The following HROB variants were observed in gnomAD, a reference collection of about 807,000 sequenced individuals.
HROB encodes the protein homologous recombination OB-fold protein.
HROB carries 44 observed loss-of-function variants against 61.0 expected under a neutral mutation model. That is an observed-to-expected ratio of 0.72 (90% confidence interval 0.57 to 0.93). The LOEUF (loss-of-function observed/expected upper bound fraction) is 0.93. Among genes scored for constraint, HROB ranks in the 40% least tolerant of loss-of-function variants. The probability of loss-of-function intolerance (pLI) is 0.00; values close to 1 mark genes in which losing one functional copy is unlikely to be tolerated. For synonymous variants in HROB, 301 were observed against 310.4 expected (o/e 0.97, Z 0.32); for missense variants, 716 against 796.2 (o/e 0.90, Z 1.21).
intron 1 of HROB, among the ~76,000 whole-genome samples, chr17:44,142,564 A>C (rs1245871915): frequency 8.0e-6 from 1 of 124,646 alleles, no homozygotes; most frequent in Non-Finnish European, 1.6e-5. Flanking sequence ...TCTCCCGCCC[A>C]CCCCTTTCAC....
chr17:44,158,033 T>A, intron 9 of HROB, 92 bp downstream of exon 9: 1 of 892,206 alleles, frequency 1.1e-6, no homozygotes, highest in South Asian at 1.7e-5. Flanking sequence ...TTGTTCCTCT[T>A]TCCATGAATC....
chr17:44,159,812 A>G (rs1022277167), intron 9 of HROB, among the ~76,000 whole-genome samples: 31 of 152,376 alleles, frequency 2.0e-4, no homozygotes, highest in African/African-American at 6.7e-4. Context: ...CTATCTTCCA[A>G]GAACTTAAAA....
intron 2 of HROB, 179 bp from the exon 3 acceptor site, chr17:44,147,679 T>C: frequency 1.6e-6 from 1 of 611,144 alleles, no homozygotes; most frequent in South Asian, 2.1e-5. Flanking sequence ...CAAGTGATCC[T>C]CCTACCTTGG....
At chr17:44,151,487 C>T (rs1230722281) in intron 4 of HROB, among the ~76,000 whole-genome samples, 2 of 152,146 alleles carry the variant, frequency 1.3e-5, no homozygotes, top group African/African-American at 2.4e-5. Flanking sequence ...TTGACCTGCT[C>T]TGCCCTCAAA....
rs1013055978 is a variant in HROB, at chr17:44,154,345, A to G, written c.1450-211A>G. Reference sequence around the variant, plus strand: ...GCGAAACTCCCTCTCAAAAAATAAAAAAGAACGGAGGCAGGGGAGAGAAAT... The same window carrying G: ...GCGAAACTCCCTCTCAAAAAATAAAGAAGAACGGAGGCAGGGGAGAGAAAT... On this transcript the variant is annotated intron_variant, in intron 5 of 9. Transcript: ENST00000585683. 83 of 528,866 alleles carry G rather than the reference A, an allele frequency of 1.6e-4. 1 individual carries two copies. Among genetic ancestry groups the G allele is most frequent in the African/African-American group, 1.4e-3 (74 of 52,842 alleles). The allele number at this position is 528,866 out of a possible 1,614,324, so 32.8% of individuals were successfully genotyped here. A position where few individuals can be genotyped will look rare whatever the true frequency, so the allele number is the denominator to read the frequency against.
intron 5 of HROB, among the ~76,000 whole-genome samples, chr17:44,154,030 G>C (rs1296694130): frequency 2.0e-5 from 3 of 150,914 alleles, no homozygotes; most frequent in Non-Finnish European, 2.9e-5. Flanking sequence ...CTGGGCGACA[G>C]AGCGAGACTC....
At chr17:44,151,391 G>A (rs1408926265) in intron 4 of HROB, among the ~76,000 whole-genome samples, 1 of 152,186 alleles carries the variant, frequency 6.6e-6, no homozygotes, top group African/African-American at 2.4e-5. Flanking sequence ...TCTGAGAACT[G>A]AGCTGGGAAG....
chr17:44,154,985 C>G (rs1183591915), intron 7 of HROB, 47 bp downstream of exon 7: 1 of 1,581,102 alleles, frequency 6.3e-7, no homozygotes, highest in Non-Finnish European at 8.6e-7. Context: ...ATAGAGCCCT[C>G]AGTGTCTGTC....
intron 4 of HROB, among the ~76,000 whole-genome samples, chr17:44,152,226 C>T (rs1458229262): frequency 1.3e-5 from 2 of 152,038 alleles, no homozygotes; most frequent in African/African-American, 4.8e-5. Context: ...GTGATCCACC[C>T]GCCTCGGCCT....
At chr17:44,142,185 GC>G in intron 1 of HROB, 40 bp downstream of exon 1, 7 of 1,492,764 alleles carry the variant, frequency 4.7e-6, no homozygotes, top group East Asian at 5.3e-5. Context: ...GGGCCGCAGG[GC>G]CCCCTGGCCT....
At chr17:44,154,520 G>T in intron 5 of HROB, 36 bp from the exon 6 acceptor site, 2 of 1,609,308 alleles carry the variant, frequency 1.2e-6, no homozygotes, top group East Asian at 4.5e-5. Context: ...CAAGTGGGCC[G>T]TGGAAGGCTC....
rs570153260 is a variant in HROB, at chr17:44,142,176, G to A, written c.3+31G>A. 2,486 of 1,503,398 alleles carry A rather than the reference G, an allele frequency of 1.7e-3. 12 individuals carry two copies. Among genetic ancestry groups the A allele is most frequent in the Non-Finnish European group, 1.7e-3 (1,885 of 1,131,510 alleles). The allele number at this position is 1,503,398 out of a possible 1,614,324, so 93.1% of individuals were successfully genotyped here. A position where few individuals can be genotyped will look rare whatever the true frequency, so the allele number is the denominator to read the frequency against. ...GCCGCGCCCAGCTTGGGGGCTGGCG[G>A]GCCGCAGGGCCCCCTGGCCTCCGGA... On this transcript the variant is annotated intron_variant, in intron 1 of 9. Coordinates refer to ENST00000585683, the MANE Select transcript of HROB (RefSeq NM_001171251.3).
Position 44,144,793 on chromosome 17 carries a change from G to A in HROB, c.4-410G>A, listed in dbSNP as rs371270172. 1.6e-4 allele frequency among the ~76,000 whole-genome samples: 24 copies of A among 147,670 alleles called. No individual in the cohort carries two copies. In the East Asian group the frequency reaches 4.6e-3, roughly 28 times the overall value. On this transcript the variant is annotated intron_variant, in intron 1 of 9. Transcript: ENST00000585683. ...CTCACTCTGTCGCCCAGGCTGGAGT[G>A]CAACCTCTGCCTCCTGGGTTCAAGC...
At chr17:44,158,619 ACTATAGGTATGT>A (rs1405388890) in intron 9 of HROB, among the ~76,000 whole-genome samples, 8 of 151,136 alleles carry the variant, frequency 5.3e-5, no homozygotes, top group African/African-American at 1.9e-4. Flanking sequence ...AGTAGCTGGG[ACTATAGGTATGT>A]GCCACTATGC....
rs187670390 is a variant in HROB at position 44,142,386 on chromosome 17, G to A, written c.3+241G>A. ...CTCCTGTTGCCTTCCTACCCTCCTG[G>A]GAAACCCCCCTTTCCAGTGCGCTCA... is the stretch of plus-strand genomic sequence containing the variant. On this transcript the variant is annotated intron_variant, in intron 1 of 9. Transcript: ENST00000585683. 2.6e-5 allele frequency among the ~76,000 whole-genome samples: 4 copies of A among 152,016 alleles called. No individual in the cohort carries two copies. In the East Asian group the frequency reaches 7.7e-4, roughly 29 times the overall value.
intron 1 of HROB, among the ~76,000 whole-genome samples, chr17:44,144,483 T>C (rs1466541458): frequency 6.6e-6 from 1 of 152,068 alleles, no homozygotes; most frequent in African/African-American, 2.4e-5. Context: ...ACTGTGTTGG[T>C]CAGGCTGGTC....
rs372184721 is a variant in HROB at position 44,151,009 on chromosome 17, C to A, written c.1273C>A (p.Pro425Thr). The change falls in exon 4 of 10, where the codon CCA (proline) becomes ACA (threonine). Residue 425 changes from proline to threonine, a missense_variant. Coordinates refer to ENST00000585683, the MANE Select transcript of HROB (RefSeq NM_001171251.3). ...EDIMVSAPQT[P>T]THGALAKFQT... ...CATCATGGTTTCCGCGCCCCAAACTCCAACCCATGGTGCTCTGGCTAAATT... is the reference window on the plus strand; with the variant it reads ...CATCATGGTTTCCGCGCCCCAAACTACAACCCATGGTGCTCTGGCTAAATT... The A allele has an allele frequency of 1.9e-6, 3 of 1,613,406 alleles. No homozygotes were observed. The highest frequency in any genetic ancestry group is 1.7e-6 in the Non-Finnish European group (2 of 1,179,922).
intron 1 of HROB, among the ~76,000 whole-genome samples, chr17:44,142,898 C>T (rs548961726): frequency 2.6e-5 from 4 of 152,208 alleles, no homozygotes; most frequent in Non-Finnish European, 5.9e-5. Flanking sequence ...ATTGCAAAAT[C>T]CTTAGGCCCA....
intron 5 of HROB, among the ~76,000 whole-genome samples, chr17:44,153,045 C>G (rs1260275902): frequency 1.3e-5 from 2 of 152,156 alleles, no homozygotes; most frequent in African/African-American, 4.8e-5. Flanking sequence ...CACTGCCACC[C>G]TCAAATCTCC....
Sources: allele counts gnomAD v4.1 joint callset (sites outside exome capture counted in the v4.1 genomes callset), GRCh38; gene constraint gnomAD v4.1.1; transcripts MANE v1.5; gene names NCBI Gene and HGNC (gene_info 2026-07-23, HGNC 2026-07-21).